Variants in PLEKHG4B observed in about 807,000 individuals in gnomAD.
The protein encoded by PLEKHG4B is pleckstrin homology and RhoGEF domain containing G4B, also known as pleckstrin homology domain-containing family G member 4B.
PLEKHG4B carries 111 observed loss-of-function variants against 121.3 expected under a neutral mutation model. The ratio of observed to expected loss-of-function variants is 0.92; its 90% CI spans 0.78 to 1.07. The LOEUF (loss-of-function observed/expected upper bound fraction) is 1.07. Ranked by LOEUF, PLEKHG4B falls within the 50% of genes least tolerant of loss-of-function variation. The pLI, the probability that PLEKHG4B is intolerant of heterozygous loss-of-function variation, is 0.00. For missense variants in PLEKHG4B, 1,831 were observed against 1,757.8 expected, an observed-to-expected ratio of 1.04 and a Z score of -0.74; for synonymous variants, 738 against 725.0, an observed-to-expected ratio of 1.02 and a Z score of -0.29.
chr5:149,858 A>T (rs1049986083), intron 6 of PLEKHG4B, among the ~76,000 whole-genome samples: 2 of 152,200 alleles, frequency 1.3e-5, no homozygotes, highest in Non-Finnish European at 2.9e-5. Flanking sequence ...TGGCTATTGT[A>T]AAAAAACAAC....
rs1163973058 is a variant in PLEKHG4B at position 97,567 on chromosome 5, G to T, written c.45+5291G>T. The stretch of plus-strand genomic sequence containing the variant: ...GCACAATATATAGGGTTGTGTGTCT[G>T]GTTTCTTTCACTTAGCACGACGTTT... On this transcript the variant is annotated intron_variant, in intron 1 of 19. Coordinates refer to ENST00000637938, the MANE Select transcript of PLEKHG4B (RefSeq NM_052909.5). Among the ~76,000 whole-genome samples, 8 of 152,302 alleles carry T rather than the reference G, an allele frequency of 5.3e-5. No individual in the cohort carries two copies. The East Asian group carries it at 1.5e-3, about 29-fold the overall frequency.
chr5:126,611 G>T (rs369717996), intron 2 of PLEKHG4B, among the ~76,000 whole-genome samples: 4 of 152,258 alleles, frequency 2.6e-5, no homozygotes, highest in African/African-American at 7.2e-5. Flanking sequence ...TTGGACATTT[G>T]AATCTAATTA....
At position 157,276 on chromosome 5, in the gene PLEKHG4B, CAGGT is replaced by C. The variant is rs1735816841; in HGVS notation, c.2487+368_2487+371del. ...CTGAGAAGCCGAGGTGAAACCGACA[CAGGT>C]AGAGAGAGTCTGGGCCAAGGTTGAG... On this transcript the variant is annotated intron_variant, in intron 11 of 19. Transcript: ENST00000637938. This position sits in a 1 kb window ranked among gnomAD's most constrained non-coding sequence, Gnocchi z 4.6. Among the ~76,000 whole-genome samples, 1 of 151,954 alleles carries C rather than the reference CAGGT, an allele frequency of 6.6e-6. No individual in the cohort carries two copies.
At position 140,470 on chromosome 5, in the gene PLEKHG4B, AC is replaced by A; in HGVS notation, c.1235del (p.Pro412GlnfsTer3). 6.3e-7 allele frequency: 1 copy of A among 1,590,372 alleles called. No individual in the cohort carries two copies. The highest frequency in any genetic ancestry group is 1.1e-5 in the South Asian group (1 of 88,082). On this transcript the variant is annotated frameshift_variant, in exon 3 of 20. Transcript: ENST00000637938. LOFTEE classifies it high-confidence loss of function. ...TSGPRGDPQQ[T>X]PSLEKERHTP... ...TGGCCCCCGGGGAGACCCCCAACAGACCCCAAGTCTAGAGAAGGAGAGGCAC... is the reference window on the plus strand; with the variant it reads ...TGGCCCCCGGGGAGACCCCCAACAGACCCAAGTCTAGAGAAGGAGAGGCAC...
At chr5:100,101 A>G (rs1560893092) in intron 1 of PLEKHG4B, among the ~76,000 whole-genome samples, 1 of 152,080 alleles carries the variant, frequency 6.6e-6, no homozygotes, top group East Asian at 1.9e-4. Context: ...AATCCTTTTA[A>G]TATGCTGTTA....
rs383058 is a variant in PLEKHG4B at position 159,202 on chromosome 5, G to C, written c.2487+2291G>C. 2.0e-5 allele frequency among the ~76,000 whole-genome samples: 3 copies of C among 149,994 alleles called. No homozygotes were observed. The highest frequency in any genetic ancestry group is 6.6e-5 in the Admixed American group (1 of 15,114). On this transcript the variant is annotated intron_variant, in intron 11 of 19. Transcript: ENST00000637938. The surrounding 1 kb of genome is among the most constrained non-coding windows in gnomAD (Gnocchi z 5.5). ...ACTGAGAGCAGGTGTGCCTGAGGGT[G>C]GCCCAGGTGTGCCTGAGGGTCGCCC...
In PLEKHG4B at chr5:174,085, A is replaced by G; in HGVS notation, c.4389A>G (p.Ala1463=). 1 of 1,578,842 alleles carries G rather than the reference A, an allele frequency of 6.3e-7. No homozygotes were observed. The highest frequency in any genetic ancestry group is 8.6e-7 in the Non-Finnish European group (1 of 1,163,632). Residue 1463 remains alanine, a synonymous_variant, in exon 18 of 20, where the codon GCA becomes GCG. Coordinates refer to ENST00000637938, the MANE Select transcript of PLEKHG4B (RefSeq NM_052909.5). ...TAGGGAGGATCCTGTGGCGGCAGGC[A>G]CTAAAGAGCAGAGGTGGGAAGATGG... The part of the protein sequence containing the change: ...DVIGRILWRQ[A]LKSRELRIQE...
intron 2 of PLEKHG4B, among the ~76,000 whole-genome samples, chr5:122,391 T>C (rs1369612944): frequency 6.7e-6 from 1 of 150,368 alleles, no homozygotes; most frequent in Non-Finnish European, 1.5e-5. Flanking sequence ...TTGTATAAAA[T>C]GCCCTTTATT....
rs1553984984 is a variant in PLEKHG4B, at chr5:134,777, A to AAAAAG, written c.244-4695_244-4691dup. ...TGAGACTCTGTCTCAAAAAAAAAAA[A>AAAAAG]AAAAGAAAAGAAAAGTAAAACCTGT... On this transcript the variant is annotated intron_variant, in intron 2 of 19. Transcript: ENST00000637938. 2.2e-3 allele frequency among the ~76,000 whole-genome samples: 328 copies of AAAAAG among 147,264 alleles called. 3 individuals carry two copies. The highest frequency in any genetic ancestry group is 3.5e-3 in the Middle Eastern group (1 of 284).
In PLEKHG4B at chr5:189,304, G is replaced by C. The variant is rs187075939; in HGVS notation, c.*6981G>C. 1 of 152,430 alleles carries C rather than the reference G, an allele frequency of 6.6e-6. No homozygotes were observed. Among genetic ancestry groups the C allele is most frequent in the Non-Finnish European group, 1.5e-5 (1 of 68,214 alleles). 9.4% of individuals were successfully genotyped at this position (152,430 alleles called of 1,614,324 possible). On this transcript the variant is annotated 3_prime_UTR_variant, in exon 20 of 20. Transcript: ENST00000637938. Reference sequence around the variant, plus strand: ...TGGGAACACCAGACCCCCTCACCCCGTGTCCACCGCCCATGGCCGGGCTCA... The same window carrying C: ...TGGGAACACCAGACCCCCTCACCCCCTGTCCACCGCCCATGGCCGGGCTCA...
In PLEKHG4B at chr5:164,004, C is replaced by T. The variant is rs368534975; in HGVS notation, c.3476+456C>T. Among the ~76,000 whole-genome samples the T allele has an allele frequency of 7.9e-5, 12 of 152,378 alleles. No individual in the cohort carries two copies. In the South Asian group the frequency reaches 1.0e-3, roughly 13 times the overall value. Reference sequence around the variant, plus strand: ...TCACTTGTCGAGCCTGCAAAGGACGCGTCCACTCATTGGTAAGGGTGGGCG... The same window carrying T: ...TCACTTGTCGAGCCTGCAAAGGACGTGTCCACTCATTGGTAAGGGTGGGCG... On this transcript the variant is annotated intron_variant, in intron 13 of 19. Coordinates refer to ENST00000637938, the MANE Select transcript of PLEKHG4B (RefSeq NM_052909.5).
Position 173,730 on chromosome 5 carries a change from C to T in PLEKHG4B, c.4222-188C>T, listed in dbSNP as rs558510430. On this transcript the variant is annotated intron_variant, in intron 17 of 19. Transcript: ENST00000637938. ...GACAGCTATCCTGCACACAGGCACT[C>T]TCCCTGGCACGGTCACAAGCAGCCT... 2.6e-5 allele frequency among the ~76,000 whole-genome samples: 4 copies of T among 152,188 alleles called. No individual in the cohort carries two copies. The South Asian group carries it at 8.3e-4, about 32-fold the overall frequency.
At chr5:143,641 C>A in intron 5 of PLEKHG4B, 138 bp downstream of exon 5, 1 of 1,085,048 alleles carries the variant, frequency 9.2e-7, no homozygotes, top group Admixed American at 2.3e-5. Context: ...TCAGAGCAGT[C>A]AGCACCCATG....
chr5:129,928 AG>A (rs2126379980), intron 2 of PLEKHG4B, among the ~76,000 whole-genome samples: 1 of 152,322 alleles, frequency 6.6e-6, no homozygotes, highest in Admixed American at 6.5e-5. Context: ...CAGTAAAATC[AG>A]TGGGCAAGAG....
chr5:102,763 A>C (rs1019132615), intron 1 of PLEKHG4B, among the ~76,000 whole-genome samples: 1 of 152,166 alleles, frequency 6.6e-6, no homozygotes, highest in African/African-American at 2.4e-5. Flanking sequence ...ACTAATACAG[A>C]CAGCACCAAC....
At chr5:98,555 C>T (rs1225992713) in intron 1 of PLEKHG4B, among the ~76,000 whole-genome samples, 2 of 149,460 alleles carry the variant, frequency 1.3e-5, no homozygotes, top group African/African-American at 5.0e-5. Context: ...CTGGCTCAGC[C>T]TCCCAAGTAG....
At chr5:181,797 G>C (rs989724409) in intron 19 of PLEKHG4B, 122 bp downstream of exon 19, 39 of 1,405,550 alleles carry the variant, frequency 2.8e-5, no homozygotes, top group Admixed American at 6.3e-5. Flanking sequence ...CAGGCCTGTC[G>C]TCAAGGACAC....
chr5:163,067 G>A lies in PLEKHG4B; in HGVS notation c.2995G>A (p.Gly999Arg). 1.3e-6 allele frequency: 2 copies of A among 1,561,250 alleles called. No individual in the cohort carries two copies. Among genetic ancestry groups the A allele is most frequent in the Non-Finnish European group, 1.7e-6 (2 of 1,152,834 alleles). ...ACCCTCATTCCCCAGCACGGACAGT[G>A]GGGGTGGTGCCTGGGAACCTGCGCA... ...KPPSFPSTDS[G>R]GGAWEPAQPL... is the part of the protein sequence containing the mutation. The change falls in exon 13 of 20, where the codon GGG becomes AGG. Residue 999 changes from glycine to arginine, a missense_variant. Physicochemically the swap from Gly to Arg is moderately radical, Grantham distance 125. Transcript: ENST00000637938.
chr5:182,426 T>G lies in PLEKHG4B; in HGVS notation c.*103T>G, dbSNP rs1733445385. 2.5e-6 allele frequency: 3 copies of G among 1,216,740 alleles called. No individual in the cohort carries two copies. The highest frequency in any genetic ancestry group is 3.4e-6 in the Non-Finnish European group (3 of 880,078). The allele number at this position is 1,216,740 out of a possible 1,614,324, so 75.4% of individuals were successfully genotyped here. On this transcript the variant is annotated 3_prime_UTR_variant, in exon 20 of 20. Transcript: ENST00000637938. ...GGGGTGGCGGTGCCCATCGCGTGGC[T>G]GGAACGATCCAGAGGGAATAGCACA...
Sources: gnomAD v4.1 joint callset for allele counts (sites outside exome capture counted in the v4.1 genomes callset) on GRCh38, gnomAD v4.1.1 for gene constraint, Gnocchi (gnomAD v3.1) non-coding constraint, MANE v1.5 for transcripts, NCBI Gene and HGNC (gene_info 2026-07-23, HGNC 2026-07-21) for gene names.